The following EBF2 variants were observed in gnomAD, a reference collection of about 807,000 sequenced individuals.
The protein encoded by EBF2 is transcription factor COE2.
In EBF2, 21 loss-of-function variants were observed where a neutral mutation model predicts 72.8. That is an observed-to-expected ratio of 0.29 (90% CI 0.20 to 0.42). EBF2 has a LOEUF of 0.42. EBF2 is among the 10% of genes least tolerant of loss of function. The pLI is 1.00. For missense variants in EBF2, 637 were observed against 731.2 expected (o/e 0.87, Z 1.49); for synonymous variants, 299 against 274.2 (o/e 1.09, Z -0.89).
intron 3 of EBF2, 82 bp downstream of exon 3, chr8:26,040,857 G>A: frequency 6.3e-7 from 1 of 1,583,768 alleles, no homozygotes; most frequent in South Asian, 1.1e-5. Context: ...CGATCCCTGA[G>A]AGTGATCATG....
At chr8:26,014,615 T>TG (rs1486320730) in intron 6 of EBF2, among the ~76,000 whole-genome samples, 1 of 152,218 alleles carries the variant, frequency 6.6e-6, no homozygotes, top group Non-Finnish European at 1.5e-5. Flanking sequence ...TCTTTGTCCT[T>TG]GCCACTGATC....
At chr8:26,040,798 C>T in intron 3 of EBF2, 127 bp from the exon 4 acceptor site, 5 of 1,475,334 alleles carry the variant, frequency 3.4e-6, no homozygotes, top group Non-Finnish European at 3.7e-6. Flanking sequence ...AGACGGTGAC[C>T]TCCCAATCCC....
chr8:25,930,180 A>G (rs773127678), intron 6 of EBF2, among the ~76,000 whole-genome samples: 4 of 152,130 alleles, frequency 2.6e-5, no homozygotes, highest in Admixed American at 6.6e-5. Flanking sequence ...AGAATCAGGT[A>G]TACTTCTTGA....
Position 26,045,048 on chromosome 8 carries a change from G to C in EBF2, c.-189C>G. The stretch of plus-strand genomic sequence containing the variant: ...TTGCTTCACTGGCGAGGTGCGGACT[G>C]ATGTAGTCAAAGTTTGGGTTCTTAT... On this transcript the variant is annotated 5_prime_UTR_variant, in exon 1 of 16. The change creates a new upstream start codon in the 5' untranslated region. Transcript: ENST00000520164. 1 of 600,354 alleles carries C rather than the reference G, an allele frequency of 1.7e-6. No homozygotes were observed. Among genetic ancestry groups the C allele is most frequent in the Non-Finnish European group, 2.8e-6 (1 of 359,550 alleles). The allele number at this position is 600,354 out of a possible 1,614,324, so 37.2% of individuals were successfully genotyped here. A position where few individuals can be genotyped will look rare whatever the true frequency, so the allele number is the denominator to read the frequency against.
At chr8:25,942,003 G>C (rs1803681827) in intron 6 of EBF2, among the ~76,000 whole-genome samples, 1 of 152,154 alleles carries the variant, frequency 6.6e-6, no homozygotes, top group African/African-American at 2.4e-5. Flanking sequence ...CACTGTGCTA[G>C]AGGCTGGAAA....
At chr8:25,872,991 A>G (rs1018156309) in intron 10 of EBF2, among the ~76,000 whole-genome samples, 3 of 152,154 alleles carry the variant, frequency 2.0e-5, no homozygotes, top group Admixed American at 6.5e-5. Context: ...TCATTCCCAC[A>G]AAGTCTGTCT....
rs144677088 is a variant in EBF2, at chr8:26,008,681, T to C, written c.551+24404A>G. Among the ~76,000 whole-genome samples, 993 of 152,288 alleles carry C rather than the reference T, an allele frequency of 6.5e-3. 11 individuals carry two copies. Among genetic ancestry groups the C allele is most frequent in the African/African-American group, 0.023 (944 of 41,556 alleles). On this transcript the variant is annotated intron_variant, in intron 6 of 15. Transcript: ENST00000520164. ...CTGAAATTTTACTGCCAATATTAAA[T>C]TAGCAGCGTTTTATCATCTTTGCTT...
intron 6 of EBF2, among the ~76,000 whole-genome samples, chr8:25,964,377 C>T (rs761793788): frequency 6.6e-6 from 1 of 151,978 alleles, no homozygotes; most frequent in Non-Finnish European, 1.5e-5. Context: ...TCCAAAAAGC[C>T]AAATGGAAGG....
intron 6 of EBF2, among the ~76,000 whole-genome samples, chr8:25,949,648 G>A (rs888203481): frequency 1.3e-5 from 2 of 152,104 alleles, no homozygotes; most frequent in African/African-American, 4.8e-5. Context: ...GTATGAATGA[G>A]GTTTCCAAAT....
In EBF2 at chr8:25,860,013, G is replaced by A. The variant is rs576430294; in HGVS notation, c.1342+1036C>T. 1.1e-4 allele frequency among the ~76,000 whole-genome samples: 17 copies of A among 151,638 alleles called. No individual in the cohort carries two copies. The South Asian group carries it at 1.3e-3, about 11-fold the overall frequency. On this transcript the variant is annotated intron_variant, in intron 13 of 15. Transcript: ENST00000520164. ...ATTACAAGCGTGAGCCACCACACCC[G>A]GCTCACCTACTCTTTTGTAAGAACT...
At chr8:25,896,535 A>T (rs958841393) in intron 7 of EBF2, among the ~76,000 whole-genome samples, 1 of 152,232 alleles carries the variant, frequency 6.6e-6, no homozygotes, top group African/African-American at 2.4e-5. Flanking sequence ...ATGGAATTAA[A>T]TTCATGAAGT....
At chr8:25,884,495 C>G (rs1250911786) in intron 10 of EBF2, among the ~76,000 whole-genome samples, 1 of 152,092 alleles carries the variant, frequency 6.6e-6, no homozygotes, top group African/African-American at 2.4e-5. Flanking sequence ...ACCAGCCTGC[C>G]CAACCCTCCC....
At chr8:26,002,537 C>T (rs1309069809) in intron 6 of EBF2, among the ~76,000 whole-genome samples, 1 of 149,306 alleles carries the variant, frequency 6.7e-6, no homozygotes, top group East Asian at 2.0e-4. Context: ...GCCTCCTTTT[C>T]CCTTTGTGTT....
intron 6 of EBF2, among the ~76,000 whole-genome samples, chr8:25,944,814 C>CTT (rs1418629435): frequency 6.7e-6 from 1 of 149,906 alleles, no homozygotes; most frequent in Non-Finnish European, 1.5e-5. Context: ...TATATACACA[C>CTT]TTATATAGAC....
At chr8:25,903,506 T>A (rs1802989100) in intron 7 of EBF2, among the ~76,000 whole-genome samples, 1 of 150,774 alleles carries the variant, frequency 6.6e-6, no homozygotes, top group African/African-American at 2.4e-5. Context: ...CCATCCTGGC[T>A]AACACGGTGA....
chr8:25,875,193 C>G (rs1802502759), intron 10 of EBF2, among the ~76,000 whole-genome samples: 1 of 152,186 alleles, frequency 6.6e-6, no homozygotes, highest in African/African-American at 2.4e-5. Context: ...GGTCCAACAG[C>G]AAAGAGGGAG....
intron 6 of EBF2, among the ~76,000 whole-genome samples, chr8:25,958,199 T>A (rs1803979321): frequency 6.6e-6 from 1 of 152,204 alleles, no homozygotes; most frequent in African/African-American, 2.4e-5. Context: ...ACCTGGATTC[T>A]GCCTGCCCAG....
chr8:25,961,462 C>T (rs1376799657), intron 6 of EBF2, among the ~76,000 whole-genome samples: 2 of 152,142 alleles, frequency 1.3e-5, no homozygotes, highest in African/African-American at 4.8e-5. Flanking sequence ...CTCCCAAGTT[C>T]AAGCAATTAC....
In EBF2 at chr8:25,843,348, G is replaced by GAGGA. The variant is rs1585252582; in HGVS notation, c.*1257_*1260dup. 1 of 152,352 alleles carries GAGGA rather than the reference G, an allele frequency of 6.6e-6. No individual in the cohort carries two copies. Among genetic ancestry groups the GAGGA allele is most frequent in the East Asian group, 1.9e-4 (1 of 5,184 alleles). 9.4% of individuals were successfully genotyped at this position (152,352 alleles called of 1,614,324 possible). A position where few individuals can be genotyped will look rare whatever the true frequency, so the allele number is the denominator to read the frequency against. On this transcript the variant is annotated 3_prime_UTR_variant, in exon 16 of 16. Coordinates refer to ENST00000520164, the MANE Select transcript of EBF2 (RefSeq NM_022659.4). ...CCATAAAAGGGGAAATTGACAGGGAGAGGAAAGGACTTGGATGTTCTAAGA... is the reference window on the plus strand; with the variant it reads ...CCATAAAAGGGGAAATTGACAGGGAGAGGAAGGAAAGGACTTGGATGTTCTAAGA...
Sources: gnomAD v4.1 joint callset for allele counts (sites outside exome capture counted in the v4.1 genomes callset) on GRCh38, gnomAD v4.1.1 for gene constraint, MANE v1.5 for transcripts, NCBI Gene and HGNC (gene_info 2026-07-23, HGNC 2026-07-21) for gene names.